Variants in RUBCN observed in about 807,000 individuals in gnomAD.
The protein encoded by RUBCN is rubicon autophagy regulator.
A neutral mutation model predicts 113.2 loss-of-function variants in RUBCN; 74 were observed. The ratio of observed to expected loss-of-function variants is 0.65; its 90% CI spans 0.54 to 0.79. The LOEUF is 0.79. Among genes scored for constraint, RUBCN ranks in the 30% least tolerant of loss-of-function variants. The pLI is 0.00. For missense variants in RUBCN, 1,109 were observed against 1,251.7 expected, an observed-to-expected ratio of 0.89 and a Z score of 1.72; for synonymous variants, 480 against 490.0, an observed-to-expected ratio of 0.98 and a Z score of 0.27.
At position 197,700,645 on chromosome 3, in the gene RUBCN, G is replaced by A. The variant is rs1723540817; in HGVS notation, c.1229C>T (p.Ser410Leu). Reference protein sequence around the residue: ...GAKKSHIRSHSDTSIASRGAP... With the variant: ...GAKKSHIRSHLDTSIASRGAP... ...TCCCCTGGAGGCAATGCTGGTATCC[G>A]AATGGGAGCGAATGTGGCTTTTCTT... The change falls in exon 7 of 20, where the codon TCG (serine) becomes TTG (leucine). Residue 410 changes from serine (S) to leucine (L), a missense_variant. By Grantham distance (145) the Ser-to-Leu change is moderately radical. Coordinates refer to ENST00000296343, the MANE Select transcript of RUBCN (RefSeq NM_014687.4). 2 of 1,614,080 alleles carry A rather than the reference G, an allele frequency of 1.2e-6. No homozygotes were observed. Among genetic ancestry groups the A allele is most frequent in the East Asian group, 2.2e-5 (1 of 44,874 alleles).
At chr3:197,697,348 C>A (rs1315943809) in intron 7 of RUBCN, among the ~76,000 whole-genome samples, 1 of 152,184 alleles carries the variant, frequency 6.6e-6, no homozygotes, top group Non-Finnish European at 1.5e-5. Context: ...CATCTTTTAA[C>A]CAAACATTAC....
rs549363122 is a variant in RUBCN, at chr3:197,710,825, T to C, written c.220-5650A>G. 4.1e-5 allele frequency among the ~76,000 whole-genome samples: 6 copies of C among 146,128 alleles called. No individual in the cohort carries two copies. In the Admixed American group the frequency reaches 4.1e-4, roughly 10 times the overall value. ...TGCTAAGAGAAGTGTAATCTTTTAC[T>C]TTTTTTTTTTTGAGATGGAGTCTTG... On this transcript the variant is annotated intron_variant, in intron 2 of 19. Transcript: ENST00000296343.
chr3:197,738,172 T>C (rs916020665), upstream of RUBCN, among the ~76,000 whole-genome samples: 3 of 152,242 alleles, frequency 2.0e-5, no homozygotes, highest in Non-Finnish European at 4.4e-5. Flanking sequence ...CAAACACAGC[T>C]TGTCTGTAGG....
intron 5 of RUBCN, among the ~76,000 whole-genome samples, chr3:197,702,225 G>C (rs998920610): frequency 2.0e-5 from 3 of 152,228 alleles, no homozygotes; most frequent in African/African-American, 7.2e-5. Context: ...TATCTACTCT[G>C]TGCCTCAGCA....
chr3:197,728,986 G>T (rs768839025), intron 1 of RUBCN, among the ~76,000 whole-genome samples: 1 of 151,950 alleles, frequency 6.6e-6, no homozygotes, highest in Non-Finnish European at 1.5e-5. Context: ...GATTCAGGCC[G>T]GGCGCGGTGG....
At chr3:197,723,771 C>A (rs1353591839) in intron 1 of RUBCN, among the ~76,000 whole-genome samples, 1 of 152,088 alleles carries the variant, frequency 6.6e-6, no homozygotes, top group African/African-American at 2.4e-5. Context: ...ATCTTAGATG[C>A]AAGTAAACAG....
In RUBCN at chr3:197,749,016, T is replaced by C. The variant is rs1478178683; in HGVS notation, c.-116+253A>G. ...TGTCCTTAGATGTAAATATCCGAGA[T>C]AGTTTTAAGCTGTATGAGGGTGATA... On this transcript the variant is annotated intron_variant, in intron 1 of 20. Transcript: ENST00000273582. Among the ~76,000 whole-genome samples the C allele has an allele frequency of 5.9e-5, 9 of 152,316 alleles. No individual in the cohort carries two copies. The East Asian group carries it at 9.6e-4, about 16-fold the overall frequency.
At chr3:197,696,530 A>G (rs999928321) in intron 8 of RUBCN, among the ~76,000 whole-genome samples, 32 of 152,214 alleles carry the variant, frequency 2.1e-4, no homozygotes, top group Admixed American at 2.6e-4. Context: ...CAGTAAAGAA[A>G]AAACAAAATA....
rs1016816395 is a variant in RUBCN at position 197,683,434 on chromosome 3, T to C, written c.1853A>G (p.His618Arg). Residue 618 changes from histidine (H) to arginine (R), a missense_variant, in exon 13 of 20, where the codon CAC becomes CGC. Around this residue, in one of 3 missense-constraint regions of RUBCN, gnomAD observed 67 missense variants for 123.2 expected, o/e 0.54. Transcript: ENST00000296343. This position sits in a 1 kb window ranked among gnomAD's most constrained non-coding sequence, Gnocchi z 4.6. Reference protein sequence around the residue: ...KSFVSSQSFSHCFLHSTSAEA... With the variant: ...KSFVSSQSFSRCFLHSTSAEA... ...AGCAGACGTGGAGTGCAGGAAGCAG[T>C]GGGAGCTGGAAAGGGGAGAATCAAG... 3 of 1,613,860 alleles carry C rather than the reference T, an allele frequency of 1.9e-6. No individual in the cohort carries two copies. The highest frequency in any genetic ancestry group is 2.5e-6 in the Non-Finnish European group (3 of 1,179,986).
chr3:197,700,887 G>C lies in RUBCN; in HGVS notation c.987C>G (p.Asn329Lys). The change falls in exon 7 of 20, where the codon AAC becomes AAG. Residue 329 changes from asparagine (N) to lysine (K), a missense_variant. Asn to Lys is a moderately conservative substitution (Grantham distance 94). Coordinates refer to ENST00000296343, the MANE Select transcript of RUBCN (RefSeq NM_014687.4). ...TGGCAGTCCGGCCTCGGGGGTCCAA[G>C]TTGCCAATGGCCAGGTACTCAGGCC... ...SEGPEYLAIG[N>K]LDPRGRTASC... 1 of 1,614,232 alleles carries C rather than the reference G, an allele frequency of 6.2e-7. No individual in the cohort carries two copies. Among genetic ancestry groups the C allele is most frequent in the Non-Finnish European group, 8.5e-7 (1 of 1,180,042 alleles).
intron 1 of RUBCN, among the ~76,000 whole-genome samples, chr3:197,743,639 G>A (rs1369361965): frequency 1.3e-5 from 2 of 152,158 alleles, no homozygotes; most frequent in Non-Finnish European, 2.9e-5. Flanking sequence ...AAGAAAACCT[G>A]TAGTGTATAT....
At chr3:197,695,733 T>A in intron 9 of RUBCN, 133 bp downstream of exon 9, 1 of 804,326 alleles carries the variant, frequency 1.2e-6, no homozygotes, top group Non-Finnish European at 2.1e-6. Flanking sequence ...CAGAACTTGC[T>A]GAGCTTCCCT....
rs756519898 is a variant in RUBCN at position 197,682,559 on chromosome 3, G to A, written c.2037C>T (p.Asp679=). The change falls in exon 14 of 20, where the codon GAC becomes GAT. Residue 679 remains aspartate, a synonymous_variant. Coordinates refer to ENST00000296343, the MANE Select transcript of RUBCN (RefSeq NM_014687.4). ...PISPDDGQHA[D]IYKLRIRVRG... ...GAACACGAATCCGCAGCTTGTAGAT[G>A]TCAGCGTGCTGCCCGTCATCCGGTG... 4.3e-6 allele frequency: 7 copies of A among 1,614,164 alleles called. No individual in the cohort carries two copies. Among genetic ancestry groups the A allele is most frequent in the Non-Finnish European group, 3.4e-6 (4 of 1,180,022 alleles).
upstream of RUBCN, among the ~76,000 whole-genome samples, chr3:197,737,678 C>G (rs1462161761): frequency 1.3e-5 from 2 of 151,990 alleles, no homozygotes; most frequent in Non-Finnish European, 2.9e-5. Flanking sequence ...CAAGCATATG[C>G]AAATCAAGAA....
intron 3 of RUBCN, 150 bp from the exon 4 acceptor site, chr3:197,704,851 A>C: frequency 1.0e-6 from 1 of 980,832 alleles, no homozygotes; most frequent in Non-Finnish European, 1.6e-6. Context: ...CTTTTTTGAA[A>C]ATAGCAAAAC....
chr3:197,712,430 C>T (rs1018319012), intron 2 of RUBCN, among the ~76,000 whole-genome samples: 7 of 152,174 alleles, frequency 4.6e-5, no homozygotes, highest in Non-Finnish European at 8.8e-5. Flanking sequence ...ATCAGCCCCT[C>T]CTCCTGACGA....
upstream of RUBCN, chr3:197,736,940 G>T (rs568442355): frequency 4.4e-5 from 59 of 1,337,760 alleles, no homozygotes; most frequent in African/African-American, 6.2e-5. Flanking sequence ...AGCCCCCGGC[G>T]AGCACTCCGA....
chr3:197,682,147 TA>T (rs1292518907), intron 14 of RUBCN, among the ~76,000 whole-genome samples: 3 of 151,790 alleles, frequency 2.0e-5, no homozygotes, highest in Admixed American at 2.0e-4. Flanking sequence ...TGAGATGTGG[TA>T]AAGGAGAGAG....
chr3:197,727,172 T>C (rs936926675), intron 1 of RUBCN, among the ~76,000 whole-genome samples: 1 of 151,870 alleles, frequency 6.6e-6, no homozygotes, highest in African/African-American at 2.4e-5. Context: ...ACTCTTGACT[T>C]CAAGTGATCT....
Sources: allele counts gnomAD v4.1 joint callset (sites outside exome capture counted in the v4.1 genomes callset), GRCh38; gene constraint gnomAD v4.1.1; regional missense constraint gnomAD v4.1.1; non-coding constraint Gnocchi (gnomAD v3.1); transcripts MANE v1.5; gene names NCBI Gene and HGNC (gene_info 2026-07-23, HGNC 2026-07-21).